PIEZO2: variants seen among roughly 807,000 people sequenced by gnomAD.
PIEZO2 encodes the protein piezo-type mechanosensitive ion channel component 2.
Under a neutral mutation model 337.3 loss-of-function variants are expected in PIEZO2, and 172 were observed. The observed-to-expected ratio is 0.51, with a 90% CI of 0.45 to 0.58. The LOEUF is 0.58. Among genes scored for constraint, PIEZO2 ranks in the 20% least tolerant of loss-of-function variants. PIEZO2 has a pLI of 0.00. For synonymous variants in PIEZO2, 1,251 were observed against 1,228.5 expected, an observed-to-expected ratio of 1.02 and a Z score of -0.38; for missense variants, 3,028 against 3,391.3, an observed-to-expected ratio of 0.89 and a Z score of 2.66.
intron 2 of PIEZO2, among the ~76,000 whole-genome samples, chr18:11,018,260 C>T (rs2036191512): frequency 6.7e-6 from 1 of 148,288 alleles, no homozygotes; most frequent in Non-Finnish European, 1.5e-5. Context: ...CTTCTTAAGA[C>T]ACAGGCATAT....
intron 7 of PIEZO2, among the ~76,000 whole-genome samples, chr18:10,814,596 G>A (rs1000903347): frequency 6.6e-6 from 1 of 152,158 alleles, no homozygotes; most frequent in East Asian, 1.9e-4. Flanking sequence ...ACAGAGAGGA[G>A]GATTGTTGAA....
chr18:11,010,674 A>G (rs2660275), intron 2 of PIEZO2, among the ~76,000 whole-genome samples: 81,636 of 152,036 alleles, frequency 0.54, 22,199 homozygotes, highest in African/African-American at 0.6. Flanking sequence ...GGGCTCTGAG[A>G]AAATGGGATA....
Position 10,801,390 on chromosome 18 carries a change from A to G in PIEZO2, c.1239T>C (p.Asp413=). The G allele has an allele frequency of 6.7e-7, 1 of 1,492,882 alleles. No individual in the cohort carries two copies. Among genetic ancestry groups the G allele is most frequent in the South Asian group, 1.2e-5 (1 of 83,070 alleles). The allele number at this position is 1,492,882 out of a possible 1,614,324, so 92.5% of individuals were successfully genotyped here. ...SMTQDDYKPS[D]GLLVTVNGNP... is the part of the protein sequence containing the mutation. Reference sequence around the variant, plus strand: ...ATGATAATTCTAAGGGTATACTAACATCAGATGGTTTGTAGTCATCCTGGG... The same window carrying G: ...ATGATAATTCTAAGGGTATACTAACGTCAGATGGTTTGTAGTCATCCTGGG... Residue 413 remains aspartate, a splice_region_variant and synonymous_variant, in exon 10 of 56, where the codon GAT becomes GAC. Coordinates refer to ENST00000674853, the MANE Select transcript of PIEZO2 (RefSeq NM_001378183.1).
chr18:11,141,025 C>T (rs759877189), intron 1 of PIEZO2, among the ~76,000 whole-genome samples: 3 of 152,106 alleles, frequency 2.0e-5, no homozygotes, highest in South Asian at 2.1e-4. Context: ...AGTATGGCTG[C>T]GGCCCTGGGA....
intron 4 of PIEZO2, among the ~76,000 whole-genome samples, chr18:10,881,807 T>C (rs1401141987): frequency 6.6e-6 from 1 of 152,158 alleles, no homozygotes; most frequent in African/African-American, 2.4e-5. Flanking sequence ...AGATAAGTCA[T>C]TAAAAATACC....
rs1187355047 is a variant in PIEZO2, at chr18:10,716,866, T to C, written c.5090-1050A>G. 6.6e-6 allele frequency among the ~76,000 whole-genome samples: 1 copy of C among 152,192 alleles called. No homozygotes were observed. Among genetic ancestry groups the C allele is most frequent in the African/African-American group, 2.4e-5 (1 of 41,442 alleles). On this transcript the variant is annotated intron_variant, in intron 37 of 55. Coordinates refer to ENST00000674853, the MANE Select transcript of PIEZO2 (RefSeq NM_001378183.1). The surrounding 1 kb of genome is among the most constrained non-coding windows in gnomAD (Gnocchi z 4.1). ...CCCACAATTGTTTTCTTAGAAATGATGAAGGTGAACATTATTACGGCGTGG... is the reference window on the plus strand; with the variant it reads ...CCCACAATTGTTTTCTTAGAAATGACGAAGGTGAACATTATTACGGCGTGG...
chr18:10,697,918 C>A, intron 44 of PIEZO2, 38 bp from the exon 45 acceptor site: 3 of 1,567,262 alleles, frequency 1.9e-6, no homozygotes, highest in Non-Finnish European at 2.6e-6. Context: ...GGTGGTGGAG[C>A]CTGGGGTTTG....
chr18:10,671,484 A>AC lies in PIEZO2; in HGVS notation c.*42_*43insG. ...TATGAGAATATTGTGCTTTTAAAAA[A>AC]AATTCAAATGTTAACATTATTTGCA... On this transcript the variant is annotated 3_prime_UTR_variant, in exon 56 of 56. Coordinates refer to ENST00000674853, the MANE Select transcript of PIEZO2 (RefSeq NM_001378183.1). 1 of 1,566,576 alleles carries AC rather than the reference A, an allele frequency of 6.4e-7. No homozygotes were observed. The highest frequency in any genetic ancestry group is 8.6e-7 in the Non-Finnish European group (1 of 1,156,782).
intron 33 of PIEZO2, chr18:10,738,151 C>G (rs1277130058): frequency 6.6e-6 from 1 of 152,160 alleles, no homozygotes; most frequent in Non-Finnish European, 1.5e-5. Context: ...TAAGCAAGAA[C>G]AAACCAAAGT....
intron 1 of PIEZO2, among the ~76,000 whole-genome samples, chr18:11,098,505 A>G (rs916895592): frequency 1.3e-5 from 2 of 150,084 alleles, no homozygotes; most frequent in African/African-American, 2.5e-5. Context: ...TCCCACAAGT[A>G]TTCATTATTA....
At chr18:11,007,536 C>T (rs577112489) in intron 2 of PIEZO2, among the ~76,000 whole-genome samples, 1 of 151,974 alleles carries the variant, frequency 6.6e-6, no homozygotes, top group Non-Finnish European at 1.5e-5. Context: ...GTATCATAAG[C>T]ACAAAGAAAA....
intron 1 of PIEZO2, among the ~76,000 whole-genome samples, chr18:11,084,802 A>C (rs1178053886): frequency 6.6e-6 from 1 of 152,234 alleles, no homozygotes; most frequent in Non-Finnish European, 1.5e-5. Context: ...CACTGCTCCC[A>C]GGATCAGCTT....
chr18:11,098,963 A>G (rs955193141), intron 1 of PIEZO2, among the ~76,000 whole-genome samples: 3 of 142,596 alleles, frequency 2.1e-5, no homozygotes, highest in African/African-American at 7.8e-5. Context: ...ATGCCTGTAT[A>G]ATTTAAATTT....
At position 10,748,497 on chromosome 18, in the gene PIEZO2, T is replaced by C; in HGVS notation, c.4398A>G (p.Ile1466Met). 2.0e-6 allele frequency: 3 copies of C among 1,537,098 alleles called. No individual in the cohort carries two copies. The highest frequency in any genetic ancestry group is 2.6e-6 in the Non-Finnish European group (3 of 1,146,854). ...TTGATGCCAGAATCTGGGAAGCTTT[T>C]ATATCAGCCACAACATGTAGAAAAT... is the stretch of plus-strand genomic sequence containing the variant. ...SYYFLHVVADIKASQILASRG... is the reference protein window; with the variant it reads ...SYYFLHVVADMKASQILASRG... Residue 1466 changes from isoleucine (I) to methionine (M), a missense_variant, in exon 30 of 56, where the codon ATA (isoleucine) becomes ATG (methionine). This residue lies in a region of PIEZO2 where 1,925 missense variants were observed against 2,051.9 expected (regional missense o/e 0.94). Transcript: ENST00000674853. This position sits in a 1 kb window ranked among gnomAD's most constrained non-coding sequence, Gnocchi z 5.1.
chr18:10,931,719 A>T (rs80171238), intron 3 of PIEZO2, among the ~76,000 whole-genome samples: 63,101 of 147,738 alleles, frequency 0.43, 14,444 homozygotes, highest in African/African-American at 0.61. Context: ...TGTGTGAGAG[A>T]GAGAGAGAGA....
At chr18:11,039,165 C>T (rs1249872975) in intron 2 of PIEZO2, among the ~76,000 whole-genome samples, 2 of 152,158 alleles carry the variant, frequency 1.3e-5, no homozygotes, top group Non-Finnish European at 2.9e-5. Flanking sequence ...CATAGAAATT[C>T]ATTAGCATGG....
intron 7 of PIEZO2, among the ~76,000 whole-genome samples, chr18:10,839,024 C>G (rs1244563185): frequency 2.6e-5 from 4 of 152,124 alleles, no homozygotes; most frequent in African/African-American, 7.2e-5. Context: ...TAGTCAATAA[C>G]CAAAGTTACA....
At chr18:11,142,598 G>T (rs1313962516) in intron 1 of PIEZO2, among the ~76,000 whole-genome samples, 1 of 152,018 alleles carries the variant, frequency 6.6e-6, no homozygotes, top group African/African-American at 2.4e-5. Flanking sequence ...TGGCCAACAT[G>T]GTGAAACACC....
chr18:11,107,276 T>C (rs193183724), intron 1 of PIEZO2, among the ~76,000 whole-genome samples: 3 of 152,346 alleles, frequency 2.0e-5, no homozygotes, highest in African/African-American at 7.2e-5. Flanking sequence ...TTTGCTCTTA[T>C]TATACTTTAA....
Sources: gnomAD v4.1 joint callset for allele counts (sites outside exome capture counted in the v4.1 genomes callset) on GRCh38, gnomAD v4.1.1 for gene constraint, gnomAD v4.1.1 regional missense constraint, Gnocchi (gnomAD v3.1) non-coding constraint, MANE v1.5 for transcripts, NCBI Gene and HGNC (gene_info 2026-07-23, HGNC 2026-07-21) for gene names.